Variants in USP34 observed in about 807,000 individuals in gnomAD.
USP34 encodes ubiquitin specific peptidase 34.
In USP34, 70 loss-of-function variants were observed where a neutral mutation model predicts 460.3. The ratio of observed to expected loss-of-function variants is 0.15; its 90% confidence interval spans 0.13 to 0.19. The LOEUF (loss-of-function observed/expected upper bound fraction) is 0.19. USP34 is among the 10% of genes least tolerant of loss of function. The pLI is 1.00. For missense variants in USP34, 3,985 were observed against 4,236.2 expected (o/e 0.94, Z 1.65); for synonymous variants, 1,647 against 1,405.3 (o/e 1.17, Z -3.85).
At chr2:61,245,060 T>C (rs2103866990) in intron 51 of USP34, 150 bp downstream of exon 51, 3 of 562,268 alleles carry the variant, frequency 5.3e-6, no homozygotes, top group South Asian at 3.1e-5. Flanking sequence ...TCTGAGAACA[T>C]ACTAAACTTC....
At chr2:61,358,688 C>T (rs1396509060) in intron 10 of USP34, among the ~76,000 whole-genome samples, 1 of 152,138 alleles carries the variant, frequency 6.6e-6, no homozygotes, top group Non-Finnish European at 1.5e-5. Context: ...TCTCTAATTG[C>T]AAATGACATA....
intron 1 of USP34, among the ~76,000 whole-genome samples, chr2:61,444,255 A>C (rs530487197): frequency 6.6e-6 from 1 of 152,312 alleles, no homozygotes; most frequent in South Asian, 2.1e-4. Context: ...CCAAAAATAA[A>C]ATCTATTAAA....
intron 1 of USP34, among the ~76,000 whole-genome samples, chr2:61,445,035 G>A (rs1695069628): frequency 6.6e-6 from 1 of 151,710 alleles, no homozygotes; most frequent in African/African-American, 2.4e-5. Flanking sequence ...ACAATGGAAT[G>A]ATTGGTTTGA....
chr2:61,456,294 G>A (rs761047137), intron 1 of USP34, among the ~76,000 whole-genome samples: 2 of 152,156 alleles, frequency 1.3e-5, no homozygotes, highest in Non-Finnish European at 2.9e-5. Context: ...GGTGAGATCA[G>A]CTTCAAGAAT....
intron 10 of USP34, among the ~76,000 whole-genome samples, chr2:61,369,983 T>TAAAAAAAAA (rs35212285): frequency 7.8e-6 from 1 of 127,764 alleles, no homozygotes; most frequent in Non-Finnish European, 1.7e-5. Context: ...TATGCCTATT[T>TAAAAAAAAA]AAAAAAAAAA....
At position 61,440,715 on chromosome 2, in the gene USP34, G is replaced by A. The variant is rs533550185; in HGVS notation, c.44-19882C>T. Among the ~76,000 whole-genome samples the A allele has an allele frequency of 9.2e-3, 1,388 of 151,350 alleles. 20 individuals carry two copies. The highest frequency in any genetic ancestry group is 0.031 in the African/African-American group (1,300 of 41,314). On this transcript the variant is annotated intron_variant, in intron 1 of 79. Transcript: ENST00000398571. Reference sequence around the variant, plus strand: ...GTATTTTTAGTAGAGATGGGGTTTCGCCATGTTGGCCAGGCTGGTCTCAAA... The same window carrying A: ...GTATTTTTAGTAGAGATGGGGTTTCACCATGTTGGCCAGGCTGGTCTCAAA...
intron 23 of USP34, among the ~76,000 whole-genome samples, chr2:61,315,503 A>G (rs1289422482): frequency 4.0e-5 from 6 of 151,898 alleles, no homozygotes; most frequent in Non-Finnish European, 7.4e-5. Context: ...CCTCCTAAGT[A>G]GCTGGGATTA....
At chr2:61,353,983 G>A (rs1558545821) in intron 10 of USP34, among the ~76,000 whole-genome samples, 1 of 152,004 alleles carries the variant, frequency 6.6e-6, no homozygotes, top group Non-Finnish European at 1.5e-5. Flanking sequence ...TCAAGTCTGA[G>A]GAAAAGAAGA....
intron 49 of USP34, among the ~76,000 whole-genome samples, chr2:61,247,288 T>C (rs1027149496): frequency 6.6e-6 from 1 of 152,140 alleles, no homozygotes; most frequent in African/African-American, 2.4e-5. Flanking sequence ...GAGGGTACAG[T>C]CTGAACTGGA....
chr2:61,368,665 G>A (rs781020346), intron 10 of USP34, among the ~76,000 whole-genome samples: 4 of 152,166 alleles, frequency 2.6e-5, no homozygotes, highest in Non-Finnish European at 5.9e-5. Context: ...AAAAAAGGGA[G>A]GAAAGTTGGA....
intron 75 of USP34, among the ~76,000 whole-genome samples, chr2:61,201,888 C>T (rs1454645543): frequency 6.6e-6 from 1 of 152,210 alleles, no homozygotes; most frequent in Admixed American, 6.5e-5. Flanking sequence ...ACTACTAGAA[C>T]TCCTGGATAT....
At chr2:61,249,676 C>T (rs1688520899) in intron 48 of USP34, 1 of 152,800 alleles carries the variant, frequency 6.5e-6, no homozygotes, top group African/African-American at 2.4e-5. Flanking sequence ...CTGGCAGCCA[C>T]CCTCTAGCAC....
rs746539744 is a variant in USP34, at chr2:61,189,085, T to A, written c.9874-16A>T. ...CCCTCAGGTCCTACAAAAACCCAGA[T>A]AGGAACATTTCAAATTCTAAAGCCA... On this transcript the variant is annotated splice_polypyrimidine_tract_variant and intron_variant, in intron 78 of 79. Transcript: ENST00000398571. The A allele has an allele frequency of 1.2e-6, 2 of 1,601,300 alleles. No individual in the cohort carries two copies. Among genetic ancestry groups the A allele is most frequent in the East Asian group, 2.2e-5 (1 of 44,664 alleles).
intron 74 of USP34, 71 bp from the exon 75 acceptor site, chr2:61,203,334 A>G (rs567384124): frequency 2.6e-4 from 343 of 1,334,142 alleles, no homozygotes; most frequent in Non-Finnish European, 3.0e-4. Context: ...TGCAAATGTA[A>G]TAAGTTTAAC....
At chr2:61,342,475 T>A (rs58904226) in intron 16 of USP34, among the ~76,000 whole-genome samples, 245 of 151,516 alleles carry the variant, frequency 1.6e-3, no homozygotes, top group African/African-American at 2.8e-3. Context: ...TAATTTATTT[T>A]TTTTTTTTGT....
chr2:61,307,805 T>A (rs1236437086), intron 27 of USP34, among the ~76,000 whole-genome samples: 1 of 151,564 alleles, frequency 6.6e-6, no homozygotes, highest in Non-Finnish European at 1.5e-5. Context: ...CCAAGGACTT[T>A]GGACGGCCAA....
chr2:61,208,625 C>T (rs1366115927), intron 70 of USP34: 2 of 201,500 alleles, frequency 9.9e-6, no homozygotes, highest in East Asian at 2.1e-4. Flanking sequence ...TCATTTTTGT[C>T]CCTACAAATG....
intron 8 of USP34, among the ~76,000 whole-genome samples, chr2:61,377,494 C>T (rs1452966871): frequency 6.6e-6 from 1 of 151,908 alleles, no homozygotes. Context: ...GAAATGGGGC[C>T]TTTGGGAGAT....
At chr2:61,388,525 T>C (rs979532168) in intron 5 of USP34, among the ~76,000 whole-genome samples, 4 of 150,340 alleles carry the variant, frequency 2.7e-5, no homozygotes, top group Non-Finnish European at 5.9e-5. Context: ...GGGAGGCCGA[T>C]GCAGGCGGAT....
Sources: allele counts gnomAD v4.1 joint callset (sites outside exome capture counted in the v4.1 genomes callset), GRCh38; gene constraint gnomAD v4.1.1; transcripts MANE v1.5; gene names NCBI Gene and HGNC (gene_info 2026-07-23, HGNC 2026-07-21).